Variants in LRRC7 observed in about 807,000 individuals in gnomAD.
LRRC7 encodes the protein leucine rich repeat containing 7.
In LRRC7, 23 loss-of-function variants were observed where a neutral mutation model predicts 175.7. That is an observed-to-expected ratio of 0.13 (90% CI 0.09 to 0.19). LRRC7 has a LOEUF of 0.19. Ranked by LOEUF, LRRC7 falls within the 10% of genes least tolerant of loss-of-function variation. The pLI is 1.00. For synonymous variants in LRRC7, 685 were observed against 680.9 expected (o/e 1.01, Z -0.09); for missense variants, 1,354 against 1,904.7 (o/e 0.71, Z 5.38).
At chr1:69,604,383 A>G (rs1647222268) in intron 1 of LRRC7, among the ~76,000 whole-genome samples, 2 of 152,220 alleles carry the variant, frequency 1.3e-5, no homozygotes, top group African/African-American at 4.8e-5. Context: ...ATGTGAAGTT[A>G]TGTATTGGCC....
At chr1:69,701,457 G>A (rs1421305823) in intron 2 of LRRC7, among the ~76,000 whole-genome samples, 1 of 152,100 alleles carries the variant, frequency 6.6e-6, no homozygotes, top group Non-Finnish European at 1.5e-5. Flanking sequence ...CTTGCTCATT[G>A]AATGACTGAA....
In LRRC7 at chr1:70,137,152, T is replaced by C. The variant is rs1571407868; in HGVS notation, c.*15265T>C. ...AGGTGACAGTGGGGACGTAAATAAC[T>C]GCAGTATCATCCTGAATAAATCATA... On this transcript the variant is annotated 3_prime_UTR_variant, in exon 27 of 27. Coordinates refer to ENST00000651989, the MANE Select transcript of LRRC7 (RefSeq NM_001370785.2). Among the ~76,000 whole-genome samples the C allele has an allele frequency of 6.6e-6, 1 of 152,344 alleles. No individual in the cohort carries two copies. Among genetic ancestry groups the C allele is most frequent in the East Asian group, 1.9e-4 (1 of 5,186 alleles).
intron 14 of LRRC7, among the ~76,000 whole-genome samples, 165 bp from the exon 15 acceptor site, chr1:70,018,554 A>G (rs1657160799): frequency 6.6e-6 from 1 of 152,106 alleles, no homozygotes; most frequent in South Asian, 2.1e-4. Context: ...ATCTTAGAAT[A>G]TGAAAATATT....
At chr1:69,992,642 G>A (rs1479298305) in intron 10 of LRRC7, among the ~76,000 whole-genome samples, 1 of 152,128 alleles carries the variant, frequency 6.6e-6, no homozygotes, top group Admixed American at 6.6e-5. Context: ...TGGCAAAATA[G>A]CCACACAACA....
chr1:69,973,197 A>G (rs1386757954), intron 8 of LRRC7, among the ~76,000 whole-genome samples: 1 of 151,878 alleles, frequency 6.6e-6, no homozygotes, highest in Non-Finnish European at 1.5e-5. Context: ...GAAAAACCAA[A>G]CATCGTATGT....
chr1:69,906,740 A>T (rs538237575), intron 7 of LRRC7, among the ~76,000 whole-genome samples: 4 of 152,086 alleles, frequency 2.6e-5, no homozygotes, highest in Admixed American at 1.3e-4. Context: ...CTTGGCGATG[A>T]GGGCTCTTTT....
intron 2 of LRRC7, among the ~76,000 whole-genome samples, chr1:69,756,255 GA>G (rs1336339125): frequency 6.6e-6 from 1 of 151,610 alleles, no homozygotes; most frequent in Non-Finnish European, 1.5e-5. Context: ...AATTTCAACA[GA>G]AAAAAATATT....
chr1:70,024,040 C>T (rs1657816008), intron 17 of LRRC7, among the ~76,000 whole-genome samples: 1 of 151,964 alleles, frequency 6.6e-6, no homozygotes, highest in African/African-American at 2.4e-5. Context: ...GTCTTGTAAA[C>T]TTTACTATCC....
At chr1:69,569,288 G>A (rs1378581020) in intron 1 of LRRC7, among the ~76,000 whole-genome samples, 1 of 152,018 alleles carries the variant, frequency 6.6e-6, no homozygotes, top group African/African-American at 2.4e-5. Flanking sequence ...CGTGTTCCCT[G>A]GGAGTCAGGG....
intron 11 of LRRC7, among the ~76,000 whole-genome samples, chr1:70,005,552 C>T (rs1473269201): frequency 6.6e-6 from 1 of 152,154 alleles, no homozygotes; most frequent in Non-Finnish European, 1.5e-5. Context: ...TTTTTAGAAA[C>T]TGAAGTCAAT....
chr1:69,761,240 AC>A lies in LRRC7; in HGVS notation c.303+848del, dbSNP rs145166476. Among the ~76,000 whole-genome samples, 1,445 of 152,162 alleles carry A rather than the reference AC, an allele frequency of 9.5e-3. 24 individuals are homozygous for A. Among genetic ancestry groups the A allele is most frequent in the African/African-American group, 0.034 (1,406 of 41,548 alleles). On this transcript the variant is annotated intron_variant, in intron 3 of 26. Coordinates refer to ENST00000651989, the MANE Select transcript of LRRC7 (RefSeq NM_001370785.2). ...TTTATACGGCTGAGAAGGGAAAAAA[AC>A]GTCATGCACTCAATTTCTGTTGCTT...
At chr1:69,632,574 T>A (rs539032597) in intron 1 of LRRC7, among the ~76,000 whole-genome samples, 2 of 152,152 alleles carry the variant, frequency 1.3e-5, no homozygotes, top group East Asian at 3.9e-4. Context: ...CAAATCACTG[T>A]TCTATTATCA....
Position 69,569,705 on chromosome 1 carries a change from G to C in LRRC7, c.2+1064G>C, listed in dbSNP as rs564407697. Among the ~76,000 whole-genome samples the C allele has an allele frequency of 2.6e-5, 4 of 152,002 alleles. No individual in the cohort carries two copies. In the East Asian group the frequency reaches 7.8e-4, roughly 30 times the overall value. On this transcript the variant is annotated intron_variant, in intron 1 of 26. Transcript: ENST00000651989. ...TCTCGGCCATCAGGGCTGAATAAAG[G>C]ACCCGCCTCCGCCCTCTACTCCGGC... is the stretch of plus-strand genomic sequence containing the variant.
intron 4 of LRRC7, among the ~76,000 whole-genome samples, chr1:69,822,164 C>G (rs532782376): frequency 6.6e-6 from 1 of 152,232 alleles, no homozygotes; most frequent in South Asian, 2.1e-4. Context: ...CTTTCTCAGT[C>G]CCACAAAGCC....
Position 70,043,935 on chromosome 1 carries a change from G to C in LRRC7, c.3970-19G>C. The C allele has an allele frequency of 6.3e-7, 1 of 1,589,652 alleles. No individual in the cohort carries two copies. The highest frequency in any genetic ancestry group is 8.6e-7 in the Non-Finnish European group (1 of 1,161,106). On this transcript the variant is annotated intron_variant, in intron 21 of 26. Coordinates refer to ENST00000651989, the MANE Select transcript of LRRC7 (RefSeq NM_001370785.2). ...AGCATGTGTTCACACCCTGTCACAT[G>C]ATTATTTCCTCTACTCAGAATGCTG...
Position 70,066,184 on chromosome 1 carries a change from T to C in LRRC7, c.4231-9893T>C, listed in dbSNP as rs1194299455. On this transcript the variant is annotated intron_variant, in intron 23 of 26. Transcript: ENST00000651989. ...TTCTCATTGCCATTAGAGTGCTATA[T>C]CTCCAGCAATACACTCAGTGTATTG... Among the ~76,000 whole-genome samples the C allele has an allele frequency of 2.6e-5, 4 of 151,912 alleles. No individual in the cohort carries two copies. The East Asian group carries it at 7.7e-4, about 29-fold the overall frequency.
At position 69,904,067 on chromosome 1, in the gene LRRC7, C is replaced by T. The variant is rs569681330; in HGVS notation, c.648-27440C>T. ...TAGATAGATTCACAGCCAAATTCTACCAGAGGAACTGGTACCATTCCTTCC... is the reference window on the plus strand; with the variant it reads ...TAGATAGATTCACAGCCAAATTCTATCAGAGGAACTGGTACCATTCCTTCC... On this transcript the variant is annotated intron_variant, in intron 7 of 26. Transcript: ENST00000651989. Among the ~76,000 whole-genome samples, 3 of 152,246 alleles carry T rather than the reference C, an allele frequency of 2.0e-5. No individual in the cohort carries two copies. The South Asian group carries it at 6.2e-4, about 32-fold the overall frequency.
intron 7 of LRRC7, among the ~76,000 whole-genome samples, chr1:69,867,721 T>C (rs1348607673): frequency 6.6e-6 from 1 of 152,054 alleles, no homozygotes; most frequent in African/African-American, 2.4e-5. Flanking sequence ...TGAGTTTGAA[T>C]TGAGAAAGGT....
At chr1:70,119,918 C>T (rs1187189532) in intron 26 of LRRC7, among the ~76,000 whole-genome samples, 1 of 152,022 alleles carries the variant, frequency 6.6e-6, no homozygotes, top group East Asian at 1.9e-4. Flanking sequence ...TTTAATTTCA[C>T]AATTAAGTTA....
Sources: gnomAD v4.1 joint callset for allele counts (sites outside exome capture counted in the v4.1 genomes callset) on GRCh38, gnomAD v4.1.1 for gene constraint, MANE v1.5 for transcripts, NCBI Gene and HGNC (gene_info 2026-07-23, HGNC 2026-07-21) for gene names.